The following SRCIN1 variants were observed in gnomAD, a reference collection of about 807,000 sequenced individuals.
SRCIN1 encodes P130Cas-associated protein.
Under a neutral mutation model 116.2 loss-of-function variants are expected in SRCIN1, and 50 were observed. The ratio of observed to expected loss-of-function variants is 0.43; its 90% confidence interval spans 0.34 to 0.54. SRCIN1 has a LOEUF of 0.54. Among genes scored for constraint, SRCIN1 ranks in the 20% least tolerant of loss-of-function variants. The pLI, the probability that SRCIN1 is intolerant of heterozygous loss-of-function variation, is 0.02. For synonymous variants in SRCIN1, 736 were observed against 750.0 expected (o/e 0.98, Z 0.30); for missense variants, 1,446 against 1,672.0 (o/e 0.86, Z 2.36).
chr17:38,566,955 T>C (rs1242180525), intron 3 of SRCIN1, among the ~76,000 whole-genome samples: 5 of 151,624 alleles, frequency 3.3e-5, no homozygotes, highest in Non-Finnish European at 7.4e-5. Context: ...CTTTCTCTCT[T>C]TCTTTCTTCT....
chr17:38,559,540 C>A, intron 10 of SRCIN1, 45 bp downstream of exon 10: 2 of 1,574,894 alleles, frequency 1.3e-6, no homozygotes, highest in Admixed American at 1.7e-5. Flanking sequence ...GGACTTCTAC[C>A]AGTAGGTGGG....
chr17:38,592,182 G>T (rs1908478384), intron 1 of SRCIN1, among the ~76,000 whole-genome samples: 1 of 152,206 alleles, frequency 6.6e-6, no homozygotes, highest in Non-Finnish European at 1.5e-5. Context: ...GCTAATTCTG[G>T]TGTCTCATCA....
Position 38,568,158 on chromosome 17 carries a change from G to A in SRCIN1, c.345+53C>T, listed in dbSNP as rs1906844081. 3 of 1,606,064 alleles carry A rather than the reference G, an allele frequency of 1.9e-6. No homozygotes were observed. Among genetic ancestry groups the A allele is most frequent in the Non-Finnish European group, 8.5e-7 (1 of 1,174,478 alleles). On this transcript the variant is annotated intron_variant, in intron 3 of 18. Coordinates refer to ENST00000617146, the MANE Select transcript of SRCIN1 (RefSeq NM_025248.3). The surrounding 1 kb of genome is among the most constrained non-coding windows in gnomAD (Gnocchi z 4.5). ...CCTGTGCAAGGGAGAGGCAGGGGCAGGGGAGGGAGAGCACATGCAGTTGTC... is the reference window on the plus strand; with the variant it reads ...CCTGTGCAAGGGAGAGGCAGGGGCAAGGGAGGGAGAGCACATGCAGTTGTC...
At chr17:38,566,935 TTC>T (rs530738227) in intron 3 of SRCIN1, among the ~76,000 whole-genome samples, 7 of 151,226 alleles carry the variant, frequency 4.6e-5, no homozygotes, top group South Asian at 2.1e-4. Flanking sequence ...CTTTCCTTCT[TTC>T]TCTCTCTCTT....
rs144167130 is a variant in SRCIN1 at position 38,555,480 on chromosome 17, G to A, written c.2202-2625C>T. 3.4e-3 allele frequency among the ~76,000 whole-genome samples: 523 copies of A among 152,274 alleles called. 4 individuals carry two copies. Among genetic ancestry groups the A allele is most frequent in the Middle Eastern group, 6.8e-3 (2 of 294 alleles). ...TAACCCACCCAATACTGTTCCATGA[G>A]AAAGATATGTTTATTACTTTTGAAT... On this transcript the variant is annotated intron_variant, in intron 11 of 18. Transcript: ENST00000617146.
chr17:38,606,795 G>C (rs377423175), upstream of SRCIN1, among the ~76,000 whole-genome samples: 21 of 151,898 alleles, frequency 1.4e-4, no homozygotes, highest in South Asian at 4.2e-3. The surrounding 1 kb of genome is among the most constrained non-coding windows in gnomAD (Gnocchi z 5.2). Context: ...GCGCTGACCC[G>C]GACCCAGACC....
At chr17:38,555,354 T>C (rs909103834) in intron 11 of SRCIN1, among the ~76,000 whole-genome samples, 4 of 152,134 alleles carry the variant, frequency 2.6e-5, no homozygotes, top group Non-Finnish European at 5.9e-5. Context: ...TTTCCATTGG[T>C]TGGAAACTCT....
At position 38,548,590 on chromosome 17, in the gene SRCIN1, C is replaced by G. The variant is rs767928621; in HGVS notation, c.3237G>C (p.Glu1079Asp). Residue 1079 changes from glutamate (E) to aspartate (D), a missense_variant, in exon 17 of 19, where the codon GAG (glutamate) becomes GAC (aspartate). Glu to Asp is a conservative substitution (Grantham distance 45). This residue lies in a region of SRCIN1 where 531 missense variants were observed against 633.9 expected (regional missense o/e 0.84). Coordinates refer to ENST00000617146, the MANE Select transcript of SRCIN1 (RefSeq NM_025248.3). ...CTGCGATGATGCGATCCTCGTCATC[C>G]TCGTCCTTGATGGCCGAGGCCATGA... ...PPIMASAIKD[E>D]DDEDRIIAEL... The G allele has an allele frequency of 4.3e-6, 7 of 1,612,734 alleles. No homozygotes were observed. The highest frequency in any genetic ancestry group is 5.9e-6 in the Non-Finnish European group (7 of 1,179,818).
upstream of SRCIN1, among the ~76,000 whole-genome samples, chr17:38,606,780 C>A (rs939136090): frequency 2.6e-5 from 4 of 152,192 alleles, no homozygotes; most frequent in African/African-American, 7.2e-5. The surrounding 1 kb of genome is among the most constrained non-coding windows in gnomAD (Gnocchi z 5.2). Flanking sequence ...CCGCAGACTT[C>A]TCCAGCGCTG....
At chr17:38,560,489 C>T in intron 7 of SRCIN1, 64 bp from the exon 8 acceptor site, 2 of 1,385,154 alleles carry the variant, frequency 1.4e-6, no homozygotes, top group Non-Finnish European at 2.0e-6. Flanking sequence ...GCCCAGCCCC[C>T]CATTCCTAAG....
chr17:38,554,587 G>A (rs73982830), intron 11 of SRCIN1, among the ~76,000 whole-genome samples: 3,895 of 152,236 alleles, frequency 0.026, 182 homozygotes, highest in African/African-American at 0.089. Context: ...TGAAGCTCCT[G>A]TTGGCTGGGT....
At chr17:38,590,378 G>C (rs992311112) in intron 1 of SRCIN1, among the ~76,000 whole-genome samples, 4 of 152,206 alleles carry the variant, frequency 2.6e-5, no homozygotes, top group African/African-American at 7.2e-5. Flanking sequence ...TGGGACTACA[G>C]GCCCGTGCCA....
rs2143192599 is a variant in SRCIN1, at chr17:38,562,387, T to C, written c.835-59A>G. On this transcript the variant is annotated intron_variant, in intron 6 of 18. Coordinates refer to ENST00000617146, the MANE Select transcript of SRCIN1 (RefSeq NM_025248.3). The surrounding 1 kb of genome is among the most constrained non-coding windows in gnomAD (Gnocchi z 4.2). ...TGGTCACCAAGGACACCCCTGTCCCTTGCTTGAGGAGCCAGCATCTCCTCC... is the reference window on the plus strand; with the variant it reads ...TGGTCACCAAGGACACCCCTGTCCCCTGCTTGAGGAGCCAGCATCTCCTCC... 2 of 1,388,020 alleles carry C rather than the reference T, an allele frequency of 1.4e-6. No homozygotes were observed. The highest frequency in any genetic ancestry group is 3.0e-5 in the African/African-American group (2 of 65,652). 86.0% of individuals were successfully genotyped at this position (1,388,020 alleles called of 1,614,324 possible). A position where few individuals can be genotyped will look rare whatever the true frequency, so the allele number is the denominator to read the frequency against.
intron 1 of SRCIN1, among the ~76,000 whole-genome samples, chr17:38,593,051 T>A (rs1908525756): frequency 6.6e-6 from 1 of 152,128 alleles, no homozygotes; most frequent in Non-Finnish European, 1.5e-5. Context: ...AGTAGGCTAG[T>A]GGGCTTAGTT....
At chr17:38,543,322 T>A (rs1284282983) in intron 18 of SRCIN1, among the ~76,000 whole-genome samples, 2 of 152,198 alleles carry the variant, frequency 1.3e-5, no homozygotes, top group East Asian at 3.9e-4. Flanking sequence ...GCCTAAGAGC[T>A]AAGAGGGAGA....
At chr17:38,537,081 G>A (rs538238591) in intron 18 of SRCIN1, among the ~76,000 whole-genome samples, 1 of 152,276 alleles carries the variant, frequency 6.6e-6, no homozygotes, top group South Asian at 2.1e-4. Flanking sequence ...GGGAGGCTGA[G>A]GCAGGAAGAT....
At position 38,561,481 on chromosome 17, in the gene SRCIN1, G is replaced by C; in HGVS notation, c.1682C>G (p.Ala561Gly). The C allele has an allele frequency of 6.3e-7, 1 of 1,590,492 alleles. No individual in the cohort carries two copies. The highest frequency in any genetic ancestry group is 8.5e-7 in the Non-Finnish European group (1 of 1,175,850). ...CCCTCACCTGGTCTCCGTGTCCTTG[G>C]CTGGCACTGGCGGCCCGAACCCAAC... is the stretch of plus-strand genomic sequence containing the variant. ...SLVGFGPPVP[A>G]KDTETRERME... is the part of the protein sequence containing the mutation. Residue 561 changes from alanine (A) to glycine (G), a missense_variant, in exon 7 of 19, where the codon GCC (alanine) becomes GGC (glycine). Physicochemically the swap from Ala to Gly is moderately conservative, Grantham distance 60 (BLOSUM62 0). Coordinates refer to ENST00000617146, the MANE Select transcript of SRCIN1 (RefSeq NM_025248.3).
intron 3 of SRCIN1, among the ~76,000 whole-genome samples, chr17:38,566,158 G>A (rs1259718526): frequency 6.6e-6 from 1 of 152,188 alleles, no homozygotes; most frequent in Non-Finnish European, 1.5e-5. Flanking sequence ...GGGTGGCCAT[G>A]GTGCCGGGGG....
upstream of SRCIN1, among the ~76,000 whole-genome samples, chr17:38,606,091 G>T (rs1021220987): frequency 6.7e-6 from 1 of 150,288 alleles, no homozygotes; most frequent in African/African-American, 2.4e-5. This position sits in a 1 kb window ranked among gnomAD's most constrained non-coding sequence, Gnocchi z 5.2. Flanking sequence ...GCGCCTTCTC[G>T]CGCCCTCCAG....
Sources: allele counts gnomAD v4.1 joint callset (sites outside exome capture counted in the v4.1 genomes callset), GRCh38; gene constraint gnomAD v4.1.1; regional missense constraint gnomAD v4.1.1; non-coding constraint Gnocchi (gnomAD v3.1); transcripts MANE v1.5; gene names NCBI Gene and HGNC (gene_info 2026-07-23, HGNC 2026-07-21).